Variants in DAB1 observed in about 807,000 individuals in gnomAD.
DAB1 encodes the protein disabled homolog 1.
DAB1 carries 15 observed loss-of-function variants against 64.6 expected under a neutral mutation model. That is an observed-to-expected ratio of 0.23 (90% CI 0.16 to 0.36). The LOEUF is 0.36. Ranked by LOEUF, DAB1 falls within the 10% of genes least tolerant of loss-of-function variation. The pLI is 1.00. For synonymous variants in DAB1, 235 were observed against 251.9 expected, an observed-to-expected ratio of 0.93 and a Z score of 0.64; for missense variants, 596 against 706.7, an observed-to-expected ratio of 0.84 and a Z score of 1.78.
chr1:57,514,082 T>C (rs1644436463), intron 7 of DAB1, among the ~76,000 whole-genome samples: 1 of 152,228 alleles, frequency 6.6e-6, no homozygotes, highest in Admixed American at 6.5e-5. Flanking sequence ...TATTCATTCA[T>C]CCCTTCATAG....
At chr1:57,269,796 A>C (rs954122201) in intron 2 of DAB1, among the ~76,000 whole-genome samples, 17 of 152,052 alleles carry the variant, frequency 1.1e-4, no homozygotes, top group African/African-American at 4.1e-4. Context: ...GGGGAGAGGA[A>C]GGTTGGAGAG....
At chr1:57,521,372 A>T (rs1005800236) in intron 7 of DAB1, among the ~76,000 whole-genome samples, 2 of 152,204 alleles carry the variant, frequency 1.3e-5, no homozygotes, top group African/African-American at 4.8e-5. Context: ...GAGGCAGATA[A>T]TCCCACCAGT....
At chr1:58,309,439 TGGAAAGGATGA>T (rs1662379343) in intron 4 of DAB1, among the ~76,000 whole-genome samples, 1 of 152,172 alleles carries the variant, frequency 6.6e-6, no homozygotes, top group Admixed American at 6.5e-5. Context: ...TGTAGGTCAC[TGGAAAGGATGA>T]GGGTTCCAGA....
chr1:57,646,589 A>T (rs1646193794), intron 7 of DAB1, among the ~76,000 whole-genome samples: 1 of 152,098 alleles, frequency 6.6e-6, no homozygotes, highest in South Asian at 2.1e-4. Flanking sequence ...CTCTACAAAC[A>T]AATGAAAAAA....
chr1:58,412,679 G>A (rs967975879), intron 3 of DAB1, among the ~76,000 whole-genome samples: 2 of 152,162 alleles, frequency 1.3e-5, no homozygotes, highest in African/African-American at 4.8e-5. Flanking sequence ...TCCATGGTGA[G>A]TATTACAATG....
At chr1:57,888,386 C>T (rs565270075), upstream of DAB1, among the ~76,000 whole-genome samples, 7 of 152,260 alleles carry the variant, frequency 4.6e-5, no homozygotes, top group Non-Finnish European at 1.0e-4. Context: ...AACAAGCCCT[C>T]GATTCCACTG....
At chr1:58,505,010 T>C (rs1423742245) in intron 3 of DAB1, among the ~76,000 whole-genome samples, 1 of 152,068 alleles carries the variant, frequency 6.6e-6, no homozygotes, top group Admixed American at 6.6e-5. Flanking sequence ...TAGAGTGCAG[T>C]GGCACGATCT....
At chr1:57,591,938 C>T (rs528009983) in intron 7 of DAB1, among the ~76,000 whole-genome samples, 4 of 152,254 alleles carry the variant, frequency 2.6e-5, no homozygotes, top group African/African-American at 9.6e-5. Flanking sequence ...TACCTTCTTG[C>T]GCAAGGATCC....
intron 4 of DAB1, among the ~76,000 whole-genome samples, chr1:58,340,291 G>A (rs1643912535): frequency 6.6e-6 from 1 of 152,078 alleles, no homozygotes; most frequent in African/African-American, 2.4e-5. Flanking sequence ...AAAGACATCT[G>A]TCCCCGTTAC....
intron 7 of DAB1, among the ~76,000 whole-genome samples, chr1:57,510,485 C>A (rs534602279): frequency 6.6e-6 from 1 of 152,218 alleles, no homozygotes; most frequent in South Asian, 2.1e-4. Context: ...GGCTTAAGTA[C>A]CATAGAAATG....
At chr1:58,527,792 T>G (rs1646375338) in intron 1 of DAB1, among the ~76,000 whole-genome samples, 1 of 152,242 alleles carries the variant, frequency 6.6e-6, no homozygotes, top group African/African-American at 2.4e-5. Flanking sequence ...TATAGCAGAA[T>G]GCTCTTTCTT....
chr1:57,080,754 A>ACG (rs1553138582), intron 4 of DAB1, among the ~76,000 whole-genome samples: 161 of 119,446 alleles, frequency 1.3e-3, no homozygotes, highest in African/African-American at 3.7e-3. Flanking sequence ...ACACACACAC[A>ACG]CGCACACACA....
chr1:58,323,915 A>G (rs1281554503), intron 4 of DAB1, among the ~76,000 whole-genome samples: 1 of 133,540 alleles, frequency 7.5e-6, no homozygotes, highest in Non-Finnish European at 1.6e-5. Context: ...GCAGAGCAAG[A>G]CTCCATCTCA....
At chr1:58,444,186 G>A (rs1010483736) in intron 3 of DAB1, among the ~76,000 whole-genome samples, 2 of 152,140 alleles carry the variant, frequency 1.3e-5, no homozygotes, top group African/African-American at 4.8e-5. Flanking sequence ...ATTGTCTTTT[G>A]AGCAACATAT....
chr1:57,471,597 C>T (rs958277794), intron 7 of DAB1, among the ~76,000 whole-genome samples: 2 of 152,152 alleles, frequency 1.3e-5, no homozygotes, highest in African/African-American at 4.8e-5. Flanking sequence ...GAATAAGTCT[C>T]ACAAGATCTG....
chr1:58,248,885 T>C (rs1660674654), intron 4 of DAB1, among the ~76,000 whole-genome samples: 1 of 152,114 alleles, frequency 6.6e-6, no homozygotes, highest in African/African-American at 2.4e-5. Context: ...CCACTGTATT[T>C]AACACGATCA....
chr1:58,131,286 C>T (rs1225346048), intron 5 of DAB1, among the ~76,000 whole-genome samples: 2 of 140,514 alleles, frequency 1.4e-5, no homozygotes, highest in African/African-American at 2.5e-5. Context: ...ACGTAGTTCT[C>T]GAGCCTTGGT....
intron 1 of DAB1, among the ~76,000 whole-genome samples, chr1:57,343,506 C>T (rs1045663602): frequency 4.6e-5 from 7 of 152,216 alleles, no homozygotes; most frequent in South Asian, 4.1e-4. Context: ...CAGGGGGCTG[C>T]GCTCATTGGG....
intron 6 of DAB1, among the ~76,000 whole-genome samples, chr1:57,781,126 C>CTCTCTA (rs1557477160): frequency 2.2e-4 from 6 of 27,714 alleles, no homozygotes; most frequent in Non-Finnish European, 3.9e-4. Flanking sequence ...CTCTCTCTCT[C>CTCTCTA]TATATATATA....
Sources: gnomAD v4.1 joint callset for allele counts (sites outside exome capture counted in the v4.1 genomes callset) on GRCh38, gnomAD v4.1.1 for gene constraint, MANE v1.5 for transcripts, NCBI Gene and HGNC (gene_info 2026-07-23, HGNC 2026-07-21) for gene names.